The following CHLSN variants were observed in gnomAD, a reference collection of about 807,000 sequenced individuals.
The protein encoded by CHLSN is cholesin, also known as protein cholesin.
the CHLSN span, among the ~76,000 whole-genome samples, chr7:1,016,571 G>C: frequency 1.5e-5 from 2 of 132,554 alleles, no homozygotes; most frequent in Non-Finnish European, 3.2e-5. Flanking sequence ...GCGCACACCA[G>C]TACACAGCAG....
chr7:1,134,384 G>A, the CHLSN span, among the ~76,000 whole-genome samples: 1 of 150,932 alleles, frequency 6.6e-6, no homozygotes, highest in South Asian at 2.1e-4. Context: ...GACTAGGCTG[G>A]CCAATATGGT....
At chr7:1,056,701 G>C in the CHLSN span, 2 of 152,248 alleles carry the variant, frequency 1.3e-5, no homozygotes, top group Admixed American at 1.3e-4. Flanking sequence ...CCTCCTCACT[G>C]CTCTTGCCTC....
the CHLSN span, among the ~76,000 whole-genome samples, chr7:978,804 C>G: frequency 6.6e-6 from 1 of 152,382 alleles, no homozygotes; most frequent in Non-Finnish European, 1.5e-5. Context: ...AGCTTAGCAG[C>G]AGTCATTACC....
the CHLSN span, among the ~76,000 whole-genome samples, chr7:1,074,948 G>A: frequency 6.6e-6 from 1 of 152,248 alleles, no homozygotes; most frequent in Non-Finnish European, 1.5e-5. Flanking sequence ...CCTCCAGCCT[G>A]GTGGCTGCCC....
chr7:988,669 G>A, the CHLSN span: 1 of 1,600,934 alleles, frequency 6.2e-7, no homozygotes, highest in Non-Finnish European at 8.5e-7. Context: ...GCCTGGCCAG[G>A]ACCGAGCTCT....
chr7:1,100,040 C>T, the CHLSN span, among the ~76,000 whole-genome samples: 6 of 152,310 alleles, frequency 3.9e-5, no homozygotes, highest in East Asian at 1.9e-4. Context: ...TCTGAGCCCC[C>T]GTCCCCGTTC....
chr7:991,496 G>A, the CHLSN span, among the ~76,000 whole-genome samples: 1 of 152,144 alleles, frequency 6.6e-6, no homozygotes, highest in Non-Finnish European at 1.5e-5. Flanking sequence ...GGAAGGGGGG[G>A]GCCGAGTGAG....
At chr7:1,016,117 C>A in the CHLSN span, among the ~76,000 whole-genome samples, 1 of 68,160 alleles carries the variant, frequency 1.5e-5, no homozygotes, top group South Asian at 3.5e-4. Context: ...CAGCGCACAG[C>A]AGCACACAGC....
chr7:997,525 C>G, the CHLSN span: 1 of 1,088,924 alleles, frequency 9.2e-7, no homozygotes, highest in East Asian at 3.1e-5. Flanking sequence ...TCAGCCGCTG[C>G]CCTGCTGGTG....
the CHLSN span, among the ~76,000 whole-genome samples, chr7:1,024,315 G>A: frequency 6.6e-6 from 1 of 152,170 alleles, no homozygotes; most frequent in African/African-American, 2.4e-5. Flanking sequence ...CGTGGGACCA[G>A]GAATGGGCCC....
the CHLSN span, among the ~76,000 whole-genome samples, chr7:1,016,407 ACACAGCAGCG>A: frequency 3.3e-4 from 24 of 72,962 alleles, no homozygotes; most frequent in Non-Finnish European, 5.6e-4. Flanking sequence ...ACACAGCAGC[ACACAGCAGCG>A]CACGCCAGCA....
the CHLSN span, chr7:1,058,177 A>C: frequency 1.4e-6 from 1 of 740,288 alleles, no homozygotes; most frequent in Non-Finnish European, 2.5e-6. Context: ...ACGCCCCTGG[A>C]CCGGGACACG....
chr7:1,104,215 A>G, the CHLSN span, among the ~76,000 whole-genome samples: 1 of 152,270 alleles, frequency 6.6e-6, no homozygotes, highest in Non-Finnish European at 1.5e-5. Flanking sequence ...CTCCACTGTC[A>G]GCACCGAGGC....
chr7:1,043,091 CAA>C, the CHLSN span, among the ~76,000 whole-genome samples: 25 of 135,118 alleles, frequency 1.9e-4, no homozygotes, highest in East Asian at 4.3e-4. Context: ...ATCTCTACTA[CAA>C]AAAAAAAAAA....
chr7:1,073,663 G>A, the CHLSN span, among the ~76,000 whole-genome samples: 9,637 of 140,614 alleles, frequency 0.069, 373 homozygotes, highest in Middle Eastern at 0.11. Context: ...CCCTGACTCC[G>A]CACCCCGCCG....
At chr7:1,091,449 G>A in the CHLSN span, 1 of 448,176 alleles carries the variant, frequency 2.2e-6, no homozygotes, top group Non-Finnish European at 4.0e-6. Flanking sequence ...TGTGCACGGT[G>A]GCCGACACCC....
the CHLSN span, among the ~76,000 whole-genome samples, chr7:1,040,620 T>G: frequency 2.0e-5 from 3 of 152,070 alleles, no homozygotes; most frequent in Non-Finnish European, 4.4e-5. Context: ...GAGAAAATGT[T>G]TGGGACCTGG....
the CHLSN span, among the ~76,000 whole-genome samples, chr7:1,061,612 C>G: frequency 6.6e-6 from 1 of 152,194 alleles, no homozygotes; most frequent in Non-Finnish European, 1.5e-5. Flanking sequence ...GATTCGGCAC[C>G]TCCTGAGCCT....
At chr7:1,135,586 G>A in the CHLSN span, among the ~76,000 whole-genome samples, 1 of 151,364 alleles carries the variant, frequency 6.6e-6, no homozygotes, top group Admixed American at 6.6e-5. Context: ...GGCTAACATG[G>A]TGAAACCCCA....
Sources: gnomAD v4.1 joint callset for allele counts (sites outside exome capture counted in the v4.1 genomes callset) on GRCh38, gnomAD v4.1.1 for gene constraint, MANE v1.5 for transcripts, NCBI Gene and HGNC (gene_info 2026-07-23, HGNC 2026-07-21) for gene names.